Variants in GRIP1 observed in about 807,000 individuals in gnomAD.
The protein encoded by GRIP1 is glutamate receptor interacting protein 1, also known as glutamate receptor-interacting protein 1.
In GRIP1, 45 loss-of-function variants were observed where a neutral mutation model predicts 129.9. The observed-to-expected ratio is 0.35, with a 90% confidence interval of 0.27 to 0.44. The LOEUF (loss-of-function observed/expected upper bound fraction) is 0.44. Among genes scored for constraint, GRIP1 ranks in the 20% least tolerant of loss-of-function variants. The pLI is 1.00. For missense variants in GRIP1, 1,196 were observed against 1,396.8 expected, an observed-to-expected ratio of 0.86 and a Z score of 2.29; for synonymous variants, 530 against 520.8, an observed-to-expected ratio of 1.02 and a Z score of -0.24.
chr12:66,956,206 T>C (rs1423193902), intron 1 of GRIP1, among the ~76,000 whole-genome samples: 2 of 152,210 alleles, frequency 1.3e-5, no homozygotes, highest in Admixed American at 6.5e-5. Context: ...TCGGGCCTGT[T>C]TAGTGTCTTC....
intron 1 of GRIP1, among the ~76,000 whole-genome samples, chr12:66,758,329 T>C (rs1174275976): frequency 1.3e-5 from 2 of 152,116 alleles, no homozygotes; most frequent in Admixed American, 6.5e-5. Flanking sequence ...GTGAGACTTA[T>C]TCACTATCAC....
chr12:66,768,245 C>T (rs146255379), intron 1 of GRIP1, among the ~76,000 whole-genome samples: 1 of 152,302 alleles, frequency 6.6e-6, no homozygotes, highest in Non-Finnish European at 1.5e-5. Context: ...TTGAGAATTA[C>T]TGGTACTTTC....
intron 1 of GRIP1, among the ~76,000 whole-genome samples, chr12:67,036,597 C>T (rs1658081430): frequency 6.6e-6 from 1 of 152,136 alleles, no homozygotes; most frequent in Admixed American, 6.5e-5. Flanking sequence ...TCCCAAAGTG[C>T]TGGGATTACA....
rs576528213 is a variant in GRIP1 at position 66,574,898 on chromosome 12, C to G, written c.136+21949G>C. On this transcript the variant is annotated intron_variant, in intron 2 of 24. Coordinates refer to ENST00000359742, the MANE Select transcript of GRIP1 (RefSeq NM_001366722.1). ...CAAGCGATTCTTATGCCTCATCTTC[C>G]TGGTATAACAGGCACCCAGCCACCA... Among the ~76,000 whole-genome samples, 5 of 151,254 alleles carry G rather than the reference C, an allele frequency of 3.3e-5. No homozygotes were observed. The South Asian group carries it at 1.0e-3, about 32-fold the overall frequency.
Position 66,392,325 on chromosome 12 carries a change from G to A in GRIP1, c.2447C>T (p.Thr816Ile), listed in dbSNP as rs1316109877. The A allele has an allele frequency of 3.1e-6, 5 of 1,605,322 alleles. No homozygotes were observed. The highest frequency in any genetic ancestry group is 1.1e-5 in the South Asian group (1 of 90,926). The stretch of plus-strand genomic sequence containing the variant: ...AGACATACCTTGAGTTCCATAGCTG[G>A]TGTCTATTGCAGACCCATCCCATGA... ...VDSWDGSAID[T>I]SYGTQGTSFQ... Residue 816 changes from threonine (T) to isoleucine (I), a missense_variant, in exon 19 of 25, where the codon ACC becomes ATC. This residue lies in a region of GRIP1 where 427 missense variants were observed against 463.3 expected (regional missense o/e 0.92). Coordinates refer to ENST00000359742, the MANE Select transcript of GRIP1 (RefSeq NM_001366722.1).
intron 1 of GRIP1, among the ~76,000 whole-genome samples, chr12:66,650,638 C>T (rs746803627): frequency 2.0e-5 from 3 of 152,170 alleles, no homozygotes; most frequent in Non-Finnish European, 4.4e-5. Context: ...GATTAACTAT[C>T]AGCATTTAGA....
At position 66,528,261 on chromosome 12, in the gene GRIP1, A is replaced by C. The variant is rs575379531; in HGVS notation, c.502+1570T>G. 4.0e-5 allele frequency among the ~76,000 whole-genome samples: 6 copies of C among 150,896 alleles called. No homozygotes were observed. In the South Asian group the frequency reaches 1.3e-3, roughly 32 times the overall value. On this transcript the variant is annotated intron_variant, in intron 5 of 24. Coordinates refer to ENST00000359742, the MANE Select transcript of GRIP1 (RefSeq NM_001366722.1). The stretch of plus-strand genomic sequence containing the variant: ...ACCATTCTCCTGCCTCAGCCTCCTG[A>C]GTAGCTGGGACTACAGGCGCCTGCC...
At chr12:66,517,255 C>T (rs79720028) in intron 6 of GRIP1, among the ~76,000 whole-genome samples, 3,465 of 152,106 alleles carry the variant, frequency 0.023, 123 homozygotes, top group African/African-American at 0.08. Context: ...TCCAGAGACA[C>T]CTAAGTTGTG....
chr12:66,513,516 A>G (rs2060760246), intron 7 of GRIP1, among the ~76,000 whole-genome samples: 1 of 152,114 alleles, frequency 6.6e-6, no homozygotes, highest in African/African-American at 2.4e-5. Context: ...ATGCATATGC[A>G]TATCTATATC....
chr12:66,621,029 A>C (rs2065246014), intron 1 of GRIP1, among the ~76,000 whole-genome samples: 1 of 149,140 alleles, frequency 6.7e-6, no homozygotes, highest in African/African-American at 2.5e-5. Context: ...GAAAAGTTTT[A>C]ACATATTTTT....
At position 66,456,229 on chromosome 12, in the gene GRIP1, G is replaced by T; in HGVS notation, c.1156C>A (p.Pro386Thr). 4.7e-6 allele frequency: 6 copies of T among 1,289,466 alleles called. No individual in the cohort carries two copies. The highest frequency in any genetic ancestry group is 6.1e-6 in the Non-Finnish European group (6 of 988,278). 79.9% of individuals were successfully genotyped at this position (1,289,466 alleles called of 1,614,324 possible). ...NTYHPDHCRV[P>T]ALTFPKAPPP... ...GGTGCTTTCGGGAATGTCAGGGCTG[G>T]TACTCTGCAATGGTCAGGGTGGTAC... The change falls in exon 10 of 25, where the codon CCA becomes ACA. Residue 386 changes from proline (P) to threonine (T), a missense_variant. By Grantham distance (38) the Pro-to-Thr change is conservative (BLOSUM62 -1). Transcript: ENST00000359742.
intron 2 of GRIP1, among the ~76,000 whole-genome samples, chr12:66,590,471 T>C (rs547779336): frequency 5.3e-5 from 8 of 152,318 alleles, no homozygotes; most frequent in Middle Eastern, 3.4e-3. Context: ...CCCAGCCACA[T>C]AGCAAACTGG....
chr12:66,668,295 A>G (rs2033901752), intron 1 of GRIP1, among the ~76,000 whole-genome samples: 2 of 152,230 alleles, frequency 1.3e-5, no homozygotes, highest in East Asian at 3.8e-4. Flanking sequence ...AACCATTTAG[A>G]AAAACAAAGG....
At chr12:66,417,165 T>C (rs973986786) in intron 15 of GRIP1, among the ~76,000 whole-genome samples, 1 of 152,088 alleles carries the variant, frequency 6.6e-6, no homozygotes, top group South Asian at 2.1e-4. Flanking sequence ...AAACACATCA[T>C]GTCAGTAGAA....
chr12:66,940,003 G>T (rs1343639236), intron 1 of GRIP1, among the ~76,000 whole-genome samples: 1 of 151,824 alleles, frequency 6.6e-6, no homozygotes, highest in Non-Finnish European at 1.5e-5. Flanking sequence ...AATTTATTTA[G>T]TATAGTTAAT....
At chr12:66,958,841 T>C (rs1162072464) in intron 1 of GRIP1, among the ~76,000 whole-genome samples, 1 of 152,092 alleles carries the variant, frequency 6.6e-6, no homozygotes. Context: ...GGAAATAGAG[T>C]TTAGGGCTTT....
chr12:66,959,407 A>G (rs2041890390), intron 1 of GRIP1, among the ~76,000 whole-genome samples: 1 of 152,166 alleles, frequency 6.6e-6, no homozygotes, highest in Non-Finnish European at 1.5e-5. Flanking sequence ...AAAGCGGGTG[A>G]TGTATTATTG....
chr12:66,367,725 G>A (rs1042692379), intron 23 of GRIP1, among the ~76,000 whole-genome samples: 5 of 152,188 alleles, frequency 3.3e-5, no homozygotes, highest in East Asian at 1.9e-4. Flanking sequence ...GGGTATACAC[G>A]TGTAGTGAAT....
intron 1 of GRIP1, among the ~76,000 whole-genome samples, chr12:66,601,447 T>C (rs1013245031): frequency 5.1e-4 from 77 of 152,282 alleles, no homozygotes; most frequent in African/African-American, 1.8e-3. Context: ...TTTCTCCATT[T>C]CCTGAGACTC....
Sources: gnomAD v4.1 joint callset for allele counts (sites outside exome capture counted in the v4.1 genomes callset) on GRCh38, gnomAD v4.1.1 for gene constraint, gnomAD v4.1.1 regional missense constraint, MANE v1.5 for transcripts, NCBI Gene and HGNC (gene_info 2026-07-23, HGNC 2026-07-21) for gene names.